ZNF710: variants seen among roughly 807,000 people sequenced by gnomAD.
ZNF710 encodes the protein zinc finger protein 710.
ZNF710 carries 13 observed loss-of-function variants against 50.6 expected under a neutral mutation model. The observed-to-expected ratio is 0.26, with a 90% confidence interval of 0.17 to 0.41. The LOEUF is 0.41. ZNF710 is among the 10% of genes least tolerant of loss of function. The pLI is 1.00. For missense variants in ZNF710, 721 were observed against 936.6 expected (o/e 0.77, Z 3.01); for synonymous variants, 383 against 397.0 (o/e 0.96, Z 0.42).
Position 90,068,235 on chromosome 15 carries a change from C to T in ZNF710, c.1098C>T (p.Leu366=), listed in dbSNP as rs1464052542. The T allele has an allele frequency of 5.0e-6, 8 of 1,613,630 alleles. No homozygotes were observed. Among genetic ancestry groups the T allele is most frequent in the Non-Finnish European group, 5.9e-6 (7 of 1,179,998 alleles). ...AGGCCTTCACGCAGACCAGCCACCT[C>T]AAGCGCCACATGCTGCTGCACTCGG... is the stretch of plus-strand genomic sequence containing the variant. ...CHKAFTQTSH[L]KRHMLLHSEV... Residue 366 remains leucine, a synonymous_variant, in exon 2 of 5, where the codon CTC becomes CTT. Transcript: ENST00000268154. This position sits in a 1 kb window ranked among gnomAD's most constrained non-coding sequence, Gnocchi z 5.0.
chr15:90,035,339 C>T (rs1050167768), intron 1 of ZNF710, among the ~76,000 whole-genome samples: 1 of 152,206 alleles, frequency 6.6e-6, no homozygotes, highest in African/African-American at 2.4e-5. Context: ...GCTCCTGCAG[C>T]AGTGACATCT....
Position 90,051,814 on chromosome 15 carries a change from C to T in ZNF710, c.-28-15296C>T, listed in dbSNP as rs151035564. ...CTGTGCTGTATAAAAATGATCTCAA[C>T]AGGCACAACTCCAGGCTGAAAGGAA... On this transcript the variant is annotated intron_variant, in intron 1 of 4. Transcript: ENST00000268154. 5.4e-4 allele frequency among the ~76,000 whole-genome samples: 82 copies of T among 152,236 alleles called. 1 individual carries two copies. In the East Asian group the frequency reaches 0.014, roughly 25 times the overall value.
intron 1 of ZNF710, among the ~76,000 whole-genome samples, chr15:90,035,043 A>T (rs1366209592): frequency 6.6e-6 from 1 of 152,214 alleles, no homozygotes; most frequent in Non-Finnish European, 1.5e-5. Flanking sequence ...CCCGTATAGT[A>T]CTGGGATTTT....
rs764025645 is a variant in ZNF710 at position 90,068,500 on chromosome 15, C to G, written c.1363C>G (p.Leu455Val). 1.9e-6 allele frequency: 3 copies of G among 1,613,956 alleles called. No individual in the cohort carries two copies. The Admixed American group carries it at 5.0e-5, about 27-fold the overall frequency. Residue 455 changes from leucine (L) to valine (V), a missense_variant, in exon 2 of 5, where the codon CTC becomes GTC. By Grantham distance (32) the Leu-to-Val change is conservative. This residue lies in a region of ZNF710 where 326 missense variants were observed against 522.0 expected (regional missense o/e 0.62). Coordinates refer to ENST00000268154, the MANE Select transcript of ZNF710 (RefSeq NM_198526.4). The surrounding 1 kb of genome is among the most constrained non-coding windows in gnomAD (Gnocchi z 5.0). ...CCGCAGCCAGTTGCAGAACCACATG[C>G]TCAAGCACCAGAACGTGCGACCCTT... ...HYRSQLQNHM[L>V]KHQNVRPFVC...
intron 1 of ZNF710, among the ~76,000 whole-genome samples, chr15:90,055,620 G>C (rs1015041366): frequency 4.6e-5 from 7 of 152,234 alleles, no homozygotes; most frequent in African/African-American, 1.4e-4. Flanking sequence ...GCATGCTAGG[G>C]CAAGGGACAG....
At position 90,080,457 on chromosome 15, in the gene ZNF710, C is replaced by A. The variant is rs1453453770; in HGVS notation, c.*628C>A. On this transcript the variant is annotated 3_prime_UTR_variant, in exon 5 of 5. Transcript: ENST00000268154. ...GGGGGGCACCCAGCCCCCAGAAGAC[C>A]CCTGTCCTACATCCCTTTCTGGAAG... The A allele has an allele frequency of 6.5e-6, 1 of 152,850 alleles. No individual in the cohort carries two copies. Among genetic ancestry groups the A allele is most frequent in the Non-Finnish European group, 1.5e-5 (1 of 68,202 alleles). The allele number at this position is 152,850 out of a possible 1,614,324, so 9.5% of individuals were successfully genotyped here. A position where few individuals can be genotyped will look rare whatever the true frequency, so the allele number is the denominator to read the frequency against.
chr15:90,009,572 A>T (rs977892068), intron 1 of ZNF710, among the ~76,000 whole-genome samples: 1 of 151,372 alleles, frequency 6.6e-6, no homozygotes, highest in Non-Finnish European at 1.5e-5. Flanking sequence ...TCCATTCCCC[A>T]TGTGCCCACC....
In ZNF710 at chr15:90,079,972, A is replaced by T. The variant is rs1900683361; in HGVS notation, c.*143A>T. On this transcript the variant is annotated 3_prime_UTR_variant, in exon 5 of 5. Coordinates refer to ENST00000268154, the MANE Select transcript of ZNF710 (RefSeq NM_198526.4). ...CCTCCCTCCCCGAGTCATTTGCACC[A>T]CTAGGGACCTTTAGACCAAATGGAG... The T allele has an allele frequency of 1.3e-6, 1 of 778,756 alleles. No individual in the cohort carries two copies. Among genetic ancestry groups the T allele is most frequent in the Non-Finnish European group, 1.9e-6 (1 of 523,760 alleles). 48.2% of individuals were successfully genotyped at this position (778,756 alleles called of 1,614,324 possible).
intron 1 of ZNF710, among the ~76,000 whole-genome samples, chr15:90,013,817 C>T (rs965626915): frequency 3.3e-5 from 5 of 152,154 alleles, no homozygotes; most frequent in African/African-American, 1.2e-4. Context: ...GAGCCTTCCC[C>T]ACACCATATG....
In ZNF710 at chr15:90,011,165, C is replaced by T. The variant is rs138113720; in HGVS notation, c.-29+9551C>T. ...GGCTGGTCTTGAACTCCTGACCTCA[C>T]GTGATCCACCCATCTCGGCCTCCCA... On this transcript the variant is annotated intron_variant, in intron 1 of 4. Coordinates refer to ENST00000268154, the MANE Select transcript of ZNF710 (RefSeq NM_198526.4). Among the ~76,000 whole-genome samples the T allele has an allele frequency of 3.3e-5, 5 of 151,886 alleles. No homozygotes were observed. The Middle Eastern group carries it at 0.01, about 310-fold the overall frequency.
chr15:90,020,236 G>A (rs147667681), intron 1 of ZNF710, among the ~76,000 whole-genome samples: 55 of 152,284 alleles, frequency 3.6e-4, no homozygotes, highest in Non-Finnish European at 7.1e-4. Context: ...GGGCCTCTGG[G>A]GCCCTTCCTG....
intron 1 of ZNF710, among the ~76,000 whole-genome samples, chr15:90,041,993 G>C (rs1302341210): frequency 6.6e-6 from 1 of 151,332 alleles, no homozygotes; most frequent in Non-Finnish European, 1.5e-5. Flanking sequence ...TGCATCCCGG[G>C]TTCAAGTGAT....
At chr15:90,047,590 CTT>C (rs11452913) in intron 1 of ZNF710, among the ~76,000 whole-genome samples, 6 of 140,872 alleles carry the variant, frequency 4.3e-5, no homozygotes, top group African/African-American at 5.4e-5. Flanking sequence ...TTTCTTTTTT[CTT>C]TTTTTTTTTT....
chr15:90,008,599 A>G (rs1173217869), intron 1 of ZNF710, among the ~76,000 whole-genome samples: 1 of 150,952 alleles, frequency 6.6e-6, no homozygotes, highest in Non-Finnish European at 1.5e-5. Context: ...CCTGGGCAAC[A>G]TAGTGAGACC....
At chr15:90,045,611 A>G (rs961402914) in intron 1 of ZNF710, among the ~76,000 whole-genome samples, 8 of 151,962 alleles carry the variant, frequency 5.3e-5, no homozygotes, top group African/African-American at 1.9e-4. Flanking sequence ...CTGCCAGATG[A>G]GGAGGAGGCC....
intron 1 of ZNF710, among the ~76,000 whole-genome samples, chr15:90,057,122 T>A (rs745433779): frequency 1.6e-4 from 25 of 152,128 alleles, no homozygotes; most frequent in Non-Finnish European, 3.4e-4. Flanking sequence ...CTCCTGTGGC[T>A]GATGGACTGA....
chr15:90,019,021 G>A (rs1182665377), intron 1 of ZNF710, among the ~76,000 whole-genome samples: 3 of 151,040 alleles, frequency 2.0e-5, no homozygotes, highest in Admixed American at 6.6e-5. Flanking sequence ...TTGCTACAAA[G>A]AGGTTGATGA....
intron 1 of ZNF710, among the ~76,000 whole-genome samples, chr15:90,046,982 CA>C (rs1899482099): frequency 6.6e-6 from 1 of 152,220 alleles, no homozygotes; most frequent in African/African-American, 2.4e-5. Flanking sequence ...ATACTGCTGG[CA>C]ACCCGGAAGC....
chr15:90,020,456 T>C (rs575979987), intron 1 of ZNF710, among the ~76,000 whole-genome samples: 47 of 147,956 alleles, frequency 3.2e-4, no homozygotes, highest in African/African-American at 1.2e-3. Context: ...AAGAAGGCCA[T>C]GGGGGCTGGT....
Sources: allele counts gnomAD v4.1 joint callset (sites outside exome capture counted in the v4.1 genomes callset), GRCh38; gene constraint gnomAD v4.1.1; regional missense constraint gnomAD v4.1.1; non-coding constraint Gnocchi (gnomAD v3.1); transcripts MANE v1.5; gene names NCBI Gene and HGNC (gene_info 2026-07-23, HGNC 2026-07-21).